DLG2: variants seen among roughly 807,000 people sequenced by gnomAD.
DLG2 encodes disks large homolog 2.
In DLG2, 45 loss-of-function variants were observed where a neutral mutation model predicts 132.5. The ratio of observed to expected loss-of-function variants is 0.34; its 90% CI spans 0.27 to 0.44. DLG2 has a LOEUF of 0.44. Among genes scored for constraint, DLG2 ranks in the 20% least tolerant of loss-of-function variants. The probability of loss-of-function intolerance (pLI) is 1.00; values close to 1 mark genes in which losing one functional copy is unlikely to be tolerated. For missense variants in DLG2, 1,045 were observed against 1,196.9 expected, an observed-to-expected ratio of 0.87 and a Z score of 1.87; for synonymous variants, 424 against 419.6, an observed-to-expected ratio of 1.01 and a Z score of -0.13.
chr11:84,993,100 AAAGAATGAGTTCACGT>A (rs1378408913), intron 6 of DLG2, among the ~76,000 whole-genome samples: 1 of 152,224 alleles, frequency 6.6e-6, no homozygotes, highest in Non-Finnish European at 1.5e-5. Flanking sequence ...CAACCATAAA[AAAGAATGAGTTCACGT>A]CCTTTGCAGG....
chr11:84,141,636 CAAAGTGAACAGGAG>C (rs140626512), intron 9 of DLG2, among the ~76,000 whole-genome samples: 2,487 of 152,118 alleles, frequency 0.016, 67 homozygotes, highest in African/African-American at 0.057. Flanking sequence ...CAGCTAAAAT[CAAAGTGAACAGGAG>C]CCAAGTTAGT....
intron 3 of DLG2, among the ~76,000 whole-genome samples, chr11:85,507,057 T>A (rs2093952319): frequency 6.6e-6 from 1 of 152,216 alleles, no homozygotes. Context: ...GTTTTCCATT[T>A]TGTTGGTAGA....
At chr11:85,396,968 T>C (rs935030296) in intron 3 of DLG2, among the ~76,000 whole-genome samples, 23 of 151,882 alleles carry the variant, frequency 1.5e-4, no homozygotes, top group African/African-American at 4.4e-4. Context: ...CCCCAAGACA[T>C]ATAATTGTCA....
At chr11:84,065,216 A>C (rs1003546319) in intron 10 of DLG2, among the ~76,000 whole-genome samples, 11 of 152,344 alleles carry the variant, frequency 7.2e-5, no homozygotes, top group African/African-American at 2.2e-4. Flanking sequence ...AAAATTGACA[A>C]ATGGGACCTA....
intron 6 of DLG2, among the ~76,000 whole-genome samples, chr11:84,897,346 T>C (rs1280942896): frequency 3.3e-5 from 5 of 152,068 alleles, no homozygotes; most frequent in South Asian, 4.1e-4. Flanking sequence ...ATGTTGTTTC[T>C]AGTTTTTGCA....
At chr11:83,595,830 C>A (rs117735142) in intron 19 of DLG2, among the ~76,000 whole-genome samples, 22 of 152,244 alleles carry the variant, frequency 1.4e-4, no homozygotes, top group Non-Finnish European at 2.5e-4. Context: ...CAAAAGTCTG[C>A]CATTATCAAT....
chr11:85,238,030 T>G (rs2075676512), intron 4 of DLG2, among the ~76,000 whole-genome samples: 2 of 151,908 alleles, frequency 1.3e-5, no homozygotes, highest in South Asian at 4.1e-4. Flanking sequence ...TAGTAAATAT[T>G]CTTTGTGGAT....
At chr11:83,705,581 C>T (rs1025352779) in intron 18 of DLG2, among the ~76,000 whole-genome samples, 18 of 152,136 alleles carry the variant, frequency 1.2e-4, no homozygotes, top group African/African-American at 3.4e-4. Flanking sequence ...AATAAATAAA[C>T]TTCTAACCCT....
intron 6 of DLG2, among the ~76,000 whole-genome samples, chr11:84,538,447 C>A (rs2099360659): frequency 6.6e-6 from 1 of 152,216 alleles, no homozygotes; most frequent in African/African-American, 2.4e-5. Context: ...CCACAGGAGT[C>A]ATATTTGAAC....
chr11:84,212,258 C>A (rs1309390764), intron 8 of DLG2, among the ~76,000 whole-genome samples: 2 of 152,168 alleles, frequency 1.3e-5, no homozygotes, highest in Admixed American at 1.3e-4. Flanking sequence ...GATACCAGAG[C>A]ATATTCCTTA....
At chr11:84,119,363 G>A (rs375010024) in intron 9 of DLG2, among the ~76,000 whole-genome samples, 60 of 151,970 alleles carry the variant, frequency 3.9e-4, no homozygotes, top group African/African-American at 1.4e-3. Flanking sequence ...TAACCACCAC[G>A]GCAAAGTAGG....
chr11:83,518,100 C>T (rs2095357207), intron 21 of DLG2, among the ~76,000 whole-genome samples: 1 of 152,234 alleles, frequency 6.6e-6, no homozygotes, highest in Admixed American at 6.5e-5. Flanking sequence ...TTTTGTTTGG[C>T]TATGCCCTGC....
chr11:85,192,078 C>A (rs977737008), intron 4 of DLG2, among the ~76,000 whole-genome samples: 4 of 152,130 alleles, frequency 2.6e-5, no homozygotes, highest in Non-Finnish European at 4.4e-5. Flanking sequence ...TTTGATCTGA[C>A]TACAAATTTA....
intron 7 of DLG2, among the ~76,000 whole-genome samples, chr11:84,303,482 A>AACAGAGTAT (rs2154383009): frequency 6.6e-6 from 1 of 152,334 alleles, no homozygotes; most frequent in East Asian, 1.9e-4. Context: ...TGTAGTCTAC[A>AACAGAGTAT]ACAGAGTATA....
At chr11:84,574,370 A>G (rs565197338) in intron 6 of DLG2, among the ~76,000 whole-genome samples, 1 of 152,234 alleles carries the variant, frequency 6.6e-6, no homozygotes, top group East Asian at 1.9e-4. Context: ...CAGAAAAAAA[A>G]AAAAACCTCT....
At chr11:84,520,280 T>C (rs949917752) in intron 7 of DLG2, among the ~76,000 whole-genome samples, 4 of 152,226 alleles carry the variant, frequency 2.6e-5, no homozygotes, top group Admixed American at 1.3e-4. Context: ...TACCATGTCA[T>C]TGTGAGCTGA....
chr11:84,533,939 C>CAAAAAAAAAAAAAAAAAAA (rs2099349313), intron 7 of DLG2, among the ~76,000 whole-genome samples: 1 of 77,664 alleles, frequency 1.3e-5, no homozygotes, highest in African/African-American at 4.9e-5. Flanking sequence ...AAAAAAAAAT[C>CAAAAAAAAAAAAAAAAAAA]AGAGTAATTT....
chr11:84,159,158 C>T (rs187966881), intron 9 of DLG2, among the ~76,000 whole-genome samples: 139 of 152,240 alleles, frequency 9.1e-4, no homozygotes, highest in African/African-American at 3.2e-3. Flanking sequence ...CAACCACTCC[C>T]TGAGTATACA....
chr11:83,753,550 GA>G, intron 18 of DLG2, among the ~76,000 whole-genome samples: 2 of 150,962 alleles, frequency 1.3e-5, no homozygotes, highest in East Asian at 3.9e-4. Flanking sequence ...GTTTCCAGGA[GA>G]AATGCAAAAT....
Sources: allele counts gnomAD v4.1 joint callset (sites outside exome capture counted in the v4.1 genomes callset), GRCh38; gene constraint gnomAD v4.1.1; transcripts MANE v1.5; gene names NCBI Gene and HGNC (gene_info 2026-07-23, HGNC 2026-07-21).